Variants in GPR160 observed in about 807,000 individuals in gnomAD.
The protein encoded by GPR160 is G protein-coupled receptor 160, also known as probable G protein-coupled receptor 160.
GPR160 carries 2 observed loss-of-function variants against 2.6 expected under a neutral mutation model. The observed-to-expected ratio is 0.77, with a 90% confidence interval of 0.32 to 2.44. GPR160 has a LOEUF of 2.44. Among genes scored for constraint, GPR160 ranks in the 30% most tolerant of loss-of-function variants. The pLI is 0.11. For synonymous variants in GPR160, 130 were observed against 132.2 expected (o/e 0.98, Z 0.12); for missense variants, 351 against 383.6 (o/e 0.91, Z 0.71).
rs752141021 is a variant in GPR160 at position 170,083,936 on chromosome 3, G to GT, written c.-36dup. The GT allele has an allele frequency of 2.5e-6, 3 of 1,223,148 alleles. No homozygotes were observed. The highest frequency in any genetic ancestry group is 3.3e-6 in the Non-Finnish European group (3 of 902,616). 75.8% of individuals were successfully genotyped at this position (1,223,148 alleles called of 1,614,324 possible). On this transcript the variant is annotated 5_prime_UTR_variant, in exon 4 of 4. An upstream open reading frame in the 5' UTR gains an earlier in-frame stop. Transcript: ENST00000355897. ...AAAATGAAGCAGTGTTTTATCATGTGTATTTCAGCAGGTCTTCTTGAAATT... is the reference window on the plus strand; with the variant it reads ...AAAATGAAGCAGTGTTTTATCATGTGTTATTTCAGCAGGTCTTCTTGAAATT...
intron 2 of GPR160, among the ~76,000 whole-genome samples, chr3:170,068,479 T>TC (rs1286923539): frequency 6.6e-6 from 1 of 152,172 alleles, no homozygotes; most frequent in African/African-American, 2.4e-5. Context: ...CTTGAGTTCT[T>TC]CCCCTCCAGT....
chr3:170,038,912 C>T lies in GPR160; in HGVS notation c.-321-3C>T, dbSNP rs1435498870. On this transcript the variant is annotated splice_region_variant and splice_polypyrimidine_tract_variant and intron_variant, in intron 1 of 3. Transcript: ENST00000355897. This position sits in a 1 kb window ranked among gnomAD's most constrained non-coding sequence, Gnocchi z 5.3. Reference sequence around the variant, plus strand: ...ACTGAAACTCCTTTTCTCACCTGCGCAGGTGGCCTCGAGGTGGTGGCAGGG... The same window carrying T: ...ACTGAAACTCCTTTTCTCACCTGCGTAGGTGGCCTCGAGGTGGTGGCAGGG... 1.3e-5 allele frequency: 2 copies of T among 152,094 alleles called. No individual in the cohort carries two copies. The highest frequency in any genetic ancestry group is 4.8e-5 in the African/African-American group (2 of 41,426). 9.4% of individuals were successfully genotyped at this position (152,094 alleles called of 1,614,324 possible). A position where few individuals can be genotyped will look rare whatever the true frequency, so the allele number is the denominator to read the frequency against.
At chr3:170,040,548 A>C (rs1716403821) in intron 2 of GPR160, among the ~76,000 whole-genome samples, 1 of 152,210 alleles carries the variant, frequency 6.6e-6, no homozygotes, top group Admixed American at 6.5e-5. Flanking sequence ...TTTTTACACA[A>C]AGGGCATTAG....
Position 170,055,501 on chromosome 3 carries a change from G to A in GPR160, c.-193+16458G>A, listed in dbSNP as rs559187382. 4.5e-4 allele frequency among the ~76,000 whole-genome samples: 68 copies of A among 152,306 alleles called. 1 individual carries two copies. Among genetic ancestry groups the A allele is most frequent in the Non-Finnish European group, 1.3e-4 (9 of 68,034 alleles). ...GGAGAGTGGGGTCTCAGGGACTATT[G>A]AGCACAGATTTCTGATTGCTACTTT... On this transcript the variant is annotated intron_variant, in intron 2 of 3. Coordinates refer to ENST00000355897, the MANE Select transcript of GPR160 (RefSeq NM_014373.3).
intron 2 of GPR160, among the ~76,000 whole-genome samples, chr3:170,059,025 GCACAAACA>G (rs1334875575): frequency 8.7e-6 from 1 of 115,392 alleles, no homozygotes; most frequent in Non-Finnish European, 1.7e-5. Context: ...ACACACACAT[GCACAAACA>G]CACACACACA....
intron 2 of GPR160, among the ~76,000 whole-genome samples, chr3:170,070,563 A>G (rs1712541104): frequency 6.7e-6 from 1 of 148,756 alleles, no homozygotes; most frequent in Non-Finnish European, 1.5e-5. Context: ...AAAAGTAAAC[A>G]TCACCTCACT....
intron 2 of GPR160, among the ~76,000 whole-genome samples, chr3:170,051,931 T>C (rs1236267428): frequency 3.3e-5 from 5 of 152,122 alleles, no homozygotes; most frequent in Non-Finnish European, 5.9e-5. Context: ...TGGACATGTT[T>C]TGTTATGTTT....
intron 3 of GPR160, among the ~76,000 whole-genome samples, chr3:170,082,603 TTTCTTTTTTC>T (rs1272546535): frequency 6.6e-6 from 1 of 152,126 alleles, no homozygotes; most frequent in African/African-American, 2.4e-5. Flanking sequence ...TTCTTGTTTT[TTTCTTTTTTC>T]GAGACAGGGT....
intron 2 of GPR160, among the ~76,000 whole-genome samples, chr3:170,040,136 A>G (rs1716385845): frequency 6.6e-6 from 1 of 152,192 alleles, no homozygotes. Flanking sequence ...GCACATGTAT[A>G]CCTATTAACA....
intron 2 of GPR160, among the ~76,000 whole-genome samples, chr3:170,056,086 ATGT>A (rs1010649839): frequency 2.0e-5 from 3 of 151,958 alleles, no homozygotes; most frequent in African/African-American, 7.3e-5. Flanking sequence ...CTATTTGTTG[ATGT>A]TGTTCTTAAA....
rs760528134 is a variant in GPR160, at chr3:170,084,769, A to C, written c.797A>C (p.Lys266Thr). 7 of 1,607,620 alleles carry C rather than the reference A, an allele frequency of 4.4e-6. No individual in the cohort carries two copies. The African/African-American group carries it at 9.4e-5, about 21-fold the overall frequency. ...CTTCAGGTAATCATTGTTTTACTTA[A>C]AGTTCAGATTCCAGCATATATTGAG... Reference protein sequence around the residue: ...VLLQVIIVLLKVQIPAYIEMN... With the variant: ...VLLQVIIVLLTVQIPAYIEMN... The change falls in exon 4 of 4, where the codon AAA becomes ACA. Residue 266 changes from lysine to threonine, a missense_variant. By Grantham distance (78) the Lys-to-Thr change is moderately conservative (BLOSUM62 -1). Transcript: ENST00000355897.
Position 170,084,347 on chromosome 3 carries a change from T to G in GPR160, c.375T>G (p.Ser125=). 6.2e-7 allele frequency: 1 copy of G among 1,609,324 alleles called. No individual in the cohort carries two copies. Among genetic ancestry groups the G allele is most frequent in the Non-Finnish European group, 8.5e-7 (1 of 1,176,950 alleles). The change falls in exon 4 of 4, where the codon TCT becomes TCG. Residue 125 remains serine, a synonymous_variant. Coordinates refer to ENST00000355897, the MANE Select transcript of GPR160 (RefSeq NM_014373.3). ...GTATAGATTATTGCCTGAATTTCTC[T>G]AAAACAACCAAGCTTTCATTTAAGT... ...TACIDYCLNF[S]KTTKLSFKCQ...
At chr3:170,062,923 G>GCACCGGAGCCTCACGGAGAT (rs1465579484) in intron 2 of GPR160, 4 of 349,836 alleles carry the variant, frequency 1.1e-5, no homozygotes, top group Non-Finnish European at 2.1e-5. Context: ...TGGTAGAAAA[G>GCACCGGAGCCTCACGGAGAT]CACCGGAGCC....
intron 2 of GPR160, among the ~76,000 whole-genome samples, chr3:170,064,458 G>A (rs1712184789): frequency 6.6e-6 from 1 of 151,124 alleles, no homozygotes; most frequent in Admixed American, 6.6e-5. Context: ...AAGGCTGGAG[G>A]AGTAGGTGGC....
intron 3 of GPR160, among the ~76,000 whole-genome samples, chr3:170,080,922 A>G (rs1713092933): frequency 6.6e-6 from 1 of 152,096 alleles, no homozygotes; most frequent in Non-Finnish European, 1.5e-5. Context: ...GCTGGTCTTG[A>G]ACTTCTGAGC....
chr3:170,082,840 C>T (rs1559994321), intron 3 of GPR160, among the ~76,000 whole-genome samples: 1 of 151,992 alleles, frequency 6.6e-6, no homozygotes, highest in Non-Finnish European at 1.5e-5. Flanking sequence ...AGCCATCCTC[C>T]TGCCTTGGCC....
At chr3:170,050,320 T>C (rs1251375048) in intron 2 of GPR160, among the ~76,000 whole-genome samples, 1 of 152,104 alleles carries the variant, frequency 6.6e-6, no homozygotes, top group African/African-American at 2.4e-5. Context: ...CTCAGCTCAC[T>C]GCAACCTCCA....
intron 2 of GPR160, among the ~76,000 whole-genome samples, chr3:170,072,614 G>T (rs1003632116): frequency 6.6e-6 from 1 of 152,164 alleles, no homozygotes; most frequent in Non-Finnish European, 1.5e-5. Context: ...GGAAGGCAGA[G>T]GGGGAGCAGG....
intron 2 of GPR160, among the ~76,000 whole-genome samples, chr3:170,056,372 T>C (rs772097312): frequency 6.6e-6 from 1 of 152,254 alleles, no homozygotes; most frequent in Non-Finnish European, 1.5e-5. Flanking sequence ...TAACCTGATT[T>C]GTTTTCAAGA....
Sources: allele counts gnomAD v4.1 joint callset (sites outside exome capture counted in the v4.1 genomes callset), GRCh38; gene constraint gnomAD v4.1.1; non-coding constraint Gnocchi (gnomAD v3.1); transcripts MANE v1.5; gene names NCBI Gene and HGNC (gene_info 2026-07-23, HGNC 2026-07-21).